ZNF385D: variants seen among roughly 807,000 people sequenced by gnomAD.
ZNF385D encodes the protein zinc finger protein 385D.
Under a neutral mutation model 35.8 loss-of-function variants are expected in ZNF385D, and 15 were observed. The observed-to-expected ratio is 0.42, with a 90% confidence interval of 0.28 to 0.64. ZNF385D has a LOEUF of 0.64. ZNF385D is among the 30% of genes least tolerant of loss of function. The probability of loss-of-function intolerance (pLI) is 0.23; values close to 1 mark genes in which losing one functional copy is unlikely to be tolerated. For missense variants in ZNF385D, 474 were observed against 494.6 expected (o/e 0.96, Z 0.39); for synonymous variants, 212 against 186.8 (o/e 1.13, Z -1.10).
At chr3:22,191,226 C>T (rs1696001390) in intron 2 of ZNF385D, among the ~76,000 whole-genome samples, 1 of 152,028 alleles carries the variant, frequency 6.6e-6, no homozygotes, top group South Asian at 2.1e-4. Context: ...CGCGGTGGCT[C>T]ACGCCTATAA....
intron 2 of ZNF385D, among the ~76,000 whole-genome samples, chr3:22,278,404 G>A (rs1431099397): frequency 6.6e-6 from 1 of 152,042 alleles, no homozygotes; most frequent in Non-Finnish European, 1.5e-5. Context: ...GAAAGAGTTT[G>A]ACCATTTTTG....
intron 1 of ZNF385D, among the ~76,000 whole-genome samples, chr3:21,706,167 A>G (rs1237812193): frequency 6.6e-6 from 1 of 152,240 alleles, no homozygotes; most frequent in Non-Finnish European, 1.5e-5. Flanking sequence ...TCAAAGGACA[A>G]AAACAGAACA....
chr3:21,874,376 T>C (rs1225986968), intron 3 of ZNF385D, among the ~76,000 whole-genome samples: 1 of 152,048 alleles, frequency 6.6e-6, no homozygotes, highest in Non-Finnish European at 1.5e-5. Flanking sequence ...TATTGAGTTG[T>C]AGGAATTTCT....
At chr3:21,995,740 A>G (rs1695423851) in intron 3 of ZNF385D, among the ~76,000 whole-genome samples, 1 of 151,918 alleles carries the variant, frequency 6.6e-6, no homozygotes, top group Non-Finnish European at 1.5e-5. Context: ...GGTGCCCAAG[A>G]GGACCATTCT....
chr3:21,851,874 A>C (rs1167265768), intron 3 of ZNF385D, among the ~76,000 whole-genome samples: 5 of 151,864 alleles, frequency 3.3e-5, no homozygotes, highest in Admixed American at 2.6e-4. Flanking sequence ...ATTCACACCT[A>C]CCTTGGCCTT....
chr3:22,333,062 A>G lies in ZNF385D; in HGVS notation c.106+39388T>C, dbSNP rs185126975. 8.5e-5 allele frequency among the ~76,000 whole-genome samples: 13 copies of G among 152,180 alleles called. No homozygotes were observed. In the East Asian group the frequency reaches 2.5e-3, roughly 29 times the overall value. ...CTTTATTTTACCTTAAGTCCTGAAT[A>G]TTATTTTTGTTGGACATGGAATTCT... On this transcript the variant is annotated intron_variant, in intron 2 of 5. Coordinates refer to the ZNF385D transcript ENST00000494108.
At chr3:22,248,640 C>T (rs1699912076) in intron 2 of ZNF385D, among the ~76,000 whole-genome samples, 1 of 152,052 alleles carries the variant, frequency 6.6e-6, no homozygotes, top group Admixed American at 6.6e-5. Context: ...ATTATTCAAC[C>T]TCTCTTAATC....
At chr3:22,131,819 G>A (rs1253328652) in intron 3 of ZNF385D, among the ~76,000 whole-genome samples, 2 of 152,138 alleles carry the variant, frequency 1.3e-5, no homozygotes, top group Non-Finnish European at 2.9e-5. Flanking sequence ...AACCTTAAGG[G>A]AAAGTATGAA....
intron 2 of ZNF385D, among the ~76,000 whole-genome samples, chr3:22,308,484 A>C (rs1040492342): frequency 6.6e-6 from 1 of 152,056 alleles, no homozygotes; most frequent in Non-Finnish European, 1.5e-5. Context: ...AGAGAAGGAC[A>C]TTCCCTTGAA....
chr3:22,137,643 T>C (rs142281449), intron 3 of ZNF385D, among the ~76,000 whole-genome samples: 1 of 152,248 alleles, frequency 6.6e-6, no homozygotes, highest in African/African-American at 2.4e-5. Context: ...AAGCTCTCAA[T>C]AAATTAGGTA....
intron 2 of ZNF385D, among the ~76,000 whole-genome samples, chr3:22,335,407 G>C (rs1010604224): frequency 6.6e-6 from 1 of 152,104 alleles, no homozygotes. Flanking sequence ...ATTAGATGTG[G>C]TCTAATATTT....
intron 2 of ZNF385D, among the ~76,000 whole-genome samples, chr3:22,251,000 T>A (rs1700032640): frequency 1.3e-5 from 2 of 152,018 alleles, no homozygotes; most frequent in Admixed American, 1.3e-4. Context: ...AAGCTTGGAA[T>A]CAGGACAACA....
chr3:21,644,503 T>C (rs936807327), intron 2 of ZNF385D, among the ~76,000 whole-genome samples: 3 of 151,986 alleles, frequency 2.0e-5, no homozygotes, highest in African/African-American at 7.2e-5. Flanking sequence ...GAAACCAGAG[T>C]ACCCAGAGAA....
chr3:22,299,827 T>G (rs1023968926), intron 2 of ZNF385D, among the ~76,000 whole-genome samples: 1 of 151,762 alleles, frequency 6.6e-6, no homozygotes, highest in Admixed American at 6.6e-5. Context: ...CACAAATAAA[T>G]GGAAAGATAA....
At chr3:21,639,579 T>C (rs1390986635) in intron 2 of ZNF385D, among the ~76,000 whole-genome samples, 1 of 152,030 alleles carries the variant, frequency 6.6e-6, no homozygotes, top group East Asian at 1.9e-4. Context: ...TCTATCATAA[T>C]TTGAAGATTC....
intron 3 of ZNF385D, among the ~76,000 whole-genome samples, chr3:22,156,661 C>T (rs930734343): frequency 2.0e-5 from 3 of 152,018 alleles, no homozygotes; most frequent in East Asian, 1.9e-4. Context: ...TTTTCCTTGC[C>T]GACTGAGGTA....
rs184891848 is a variant in ZNF385D at position 22,274,635 on chromosome 3, A to G, written c.106+97815T>C. On this transcript the variant is annotated intron_variant, in intron 2 of 5. Coordinates refer to the ZNF385D transcript ENST00000494108. ...ACAGTTTGGCTCACTGAAGATGAAA[A>G]TAATATTTCTATTTGTTCATTTTAG... is the stretch of plus-strand genomic sequence containing the variant. 1.7e-3 allele frequency among the ~76,000 whole-genome samples: 260 copies of G among 150,084 alleles called. 1 individual carries two copies. Among genetic ancestry groups the G allele is most frequent in the Middle Eastern group, 0.017 (5 of 294 alleles).
At chr3:22,267,655 C>G (rs1211658651) in intron 2 of ZNF385D, among the ~76,000 whole-genome samples, 2 of 151,840 alleles carry the variant, frequency 1.3e-5, no homozygotes, top group African/African-American at 2.4e-5. Context: ...CTACACTTTT[C>G]TTTGTCATGT....
Position 21,465,861 on chromosome 3 carries a change from A to G in ZNF385D, c.440-28658T>C, listed in dbSNP as rs1703477982. ...GCAGGCTGACCCACTCTCAGGCTAC[A>G]CAACACTCATTCTCCATCACACCTC... On this transcript the variant is annotated intron_variant, in intron 4 of 7. Transcript: ENST00000281523. The surrounding 1 kb of genome is among the most constrained non-coding windows in gnomAD (Gnocchi z 4.2). Among the ~76,000 whole-genome samples the G allele has an allele frequency of 1.3e-5, 2 of 152,194 alleles. No homozygotes were observed.
Sources: gnomAD v4.1 joint callset for allele counts (sites outside exome capture counted in the v4.1 genomes callset) on GRCh38, gnomAD v4.1.1 for gene constraint, Gnocchi (gnomAD v3.1) non-coding constraint, MANE v1.5 for transcripts, NCBI Gene and HGNC (gene_info 2026-07-23, HGNC 2026-07-21) for gene names.